GALNT13: variants seen among roughly 807,000 people sequenced by gnomAD.
GALNT13 encodes polypeptide N-acetylgalactosaminyltransferase 13.
Under a neutral mutation model 64.2 loss-of-function variants are expected in GALNT13, and 28 were observed. The ratio of observed to expected loss-of-function variants is 0.44; its 90% CI spans 0.32 to 0.60. The LOEUF (loss-of-function observed/expected upper bound fraction) is 0.60, where lower values mean the gene tolerates loss of function less well. Among genes scored for constraint, GALNT13 ranks in the 20% least tolerant of loss-of-function variants. The probability of loss-of-function intolerance (pLI) is 0.05; values close to 1 mark genes in which losing one functional copy is unlikely to be tolerated. For synonymous variants in GALNT13, 214 were observed against 224.6 expected (o/e 0.95, Z 0.42); for missense variants, 577 against 669.8 (o/e 0.86, Z 1.53).
At chr2:153,714,470 T>A in the GALNT13 span, among the ~76,000 whole-genome samples, 1 of 152,224 alleles carries the variant, frequency 6.6e-6, no homozygotes, top group African/African-American at 2.4e-5. Flanking sequence ...AAGAAAACCA[T>A]CTTCCAATAT....
At chr2:153,451,425 G>T in the GALNT13 span, among the ~76,000 whole-genome samples, 1 of 152,106 alleles carries the variant, frequency 6.6e-6, no homozygotes, top group Non-Finnish European at 1.5e-5. Flanking sequence ...AATTCGCAAA[G>T]TATGAGTGCC....
chr2:153,954,133 T>C (rs934313698), intron 3 of GALNT13, among the ~76,000 whole-genome samples: 1 of 152,194 alleles, frequency 6.6e-6, no homozygotes, highest in Non-Finnish European at 1.5e-5. Flanking sequence ...AGAATTCCTA[T>C]GTTTACATAA....
At chr2:153,886,029 G>T (rs1410311855) in intron 1 of GALNT13, among the ~76,000 whole-genome samples, 1 of 151,952 alleles carries the variant, frequency 6.6e-6, no homozygotes, top group African/African-American at 2.4e-5. Flanking sequence ...GAAAGAGAGA[G>T]AAATGAGGAA....
At chr2:153,640,880 T>G in the GALNT13 span, among the ~76,000 whole-genome samples, 1 of 152,250 alleles carries the variant, frequency 6.6e-6, no homozygotes, top group South Asian at 2.1e-4. Context: ...GCAACTTTCT[T>G]ACTAATTCTG....
chr2:154,025,946 C>CAG (rs547646710), intron 3 of GALNT13, among the ~76,000 whole-genome samples: 119 of 152,034 alleles, frequency 7.8e-4, no homozygotes, highest in African/African-American at 2.7e-3. Flanking sequence ...AGGCAGGACT[C>CAG]AGATCATGGG....
the GALNT13 span, among the ~76,000 whole-genome samples, chr2:153,634,250 A>C: frequency 6.6e-6 from 1 of 152,182 alleles, no homozygotes; most frequent in Non-Finnish European, 1.5e-5. Context: ...TAAGTAATTA[A>C]CCAAATTAGA....
At chr2:153,200,489 G>GA in the GALNT13 span, among the ~76,000 whole-genome samples, 1 of 152,196 alleles carries the variant, frequency 6.6e-6, no homozygotes, top group African/African-American at 2.4e-5. Context: ...GCATGGGGCA[G>GA]AAATGGCACA....
the GALNT13 span, among the ~76,000 whole-genome samples, chr2:153,825,001 T>C: frequency 6.6e-6 from 1 of 152,216 alleles, no homozygotes; most frequent in Non-Finnish European, 1.5e-5. Flanking sequence ...CCCAGTTCTT[T>C]TCTTTATAAA....
At chr2:153,971,213 G>A (rs1574236632) in intron 3 of GALNT13, among the ~76,000 whole-genome samples, 2 of 152,080 alleles carry the variant, frequency 1.3e-5, no homozygotes, top group South Asian at 4.1e-4. Context: ...AAATGTCAGT[G>A]ACTCAGTATA....
intron 3 of GALNT13, among the ~76,000 whole-genome samples, chr2:154,033,370 G>A (rs986043466): frequency 1.3e-5 from 2 of 152,006 alleles, no homozygotes; most frequent in African/African-American, 2.4e-5. Flanking sequence ...TTAAGACAAT[G>A]GGAAGCAAAC....
the GALNT13 span, among the ~76,000 whole-genome samples, chr2:153,159,895 T>C: frequency 1.3e-5 from 2 of 152,212 alleles, no homozygotes; most frequent in African/African-American, 4.8e-5. Context: ...GAGAACTAAA[T>C]CTATTGGCCA....
the GALNT13 span, among the ~76,000 whole-genome samples, chr2:153,742,597 G>A: frequency 1.3e-5 from 2 of 151,942 alleles, no homozygotes; most frequent in African/African-American, 4.8e-5. Flanking sequence ...CCCTTTTTCA[G>A]TTCCCCAGTG....
the GALNT13 span, among the ~76,000 whole-genome samples, chr2:153,676,900 C>T: frequency 1.6e-4 from 24 of 151,798 alleles, no homozygotes; most frequent in South Asian, 2.1e-4. Flanking sequence ...AAACCATCTA[C>T]GAAAAAAACA....
chr2:153,925,573 C>CT (rs1011073367), intron 2 of GALNT13, among the ~76,000 whole-genome samples: 4 of 105,916 alleles, frequency 3.8e-5, no homozygotes, highest in Admixed American at 1.0e-4. Flanking sequence ...TTTTAAAATT[C>CT]TTTTTTCTGA....
chr2:153,192,183 T>A, the GALNT13 span, among the ~76,000 whole-genome samples: 1 of 152,028 alleles, frequency 6.6e-6, no homozygotes, highest in Non-Finnish European at 1.5e-5. Flanking sequence ...TTTGTTGTTA[T>A]AAACTTCTAT....
At chr2:154,214,888 G>A (rs929745336) in intron 4 of GALNT13, among the ~76,000 whole-genome samples, 2 of 152,156 alleles carry the variant, frequency 1.3e-5, no homozygotes, top group African/African-American at 4.8e-5. Flanking sequence ...ACCCTTAAGA[G>A]CAGTCTGTTT....
chr2:154,029,798 A>T (rs528276076), intron 3 of GALNT13, among the ~76,000 whole-genome samples: 1 of 152,318 alleles, frequency 6.6e-6, no homozygotes, highest in East Asian at 1.9e-4. Context: ...TAAAGACTCA[A>T]ATGGAAAAAG....
intron 3 of GALNT13, among the ~76,000 whole-genome samples, chr2:154,119,423 TTTGAC>T (rs2105512341): frequency 6.6e-6 from 1 of 152,272 alleles, no homozygotes; most frequent in African/African-American, 2.4e-5. Flanking sequence ...CTGGGTTGAA[TTTGAC>T]TGAGCTCTGT....
rs1261950373 is a variant in GALNT13 at position 154,450,456 on chromosome 2, C to T, written c.1576C>T (p.Pro526Ser). Reference sequence around the variant, plus strand: ...TAACAGTAACCAATGTCTCGATGAACCTTCTGAAGAAGACAAAATGGTGCC... The same window carrying T: ...TAACAGTAACCAATGTCTCGATGAATCTTCTGAAGAAGACAAAATGGTGCC... Reference protein sequence around the residue: ...HVNSNQCLDEPSEEDKMVPTM... With the variant: ...HVNSNQCLDESSEEDKMVPTM... The change falls in exon 13 of 13, where the codon CCT (proline) becomes TCT (serine). Residue 526 changes from proline (P) to serine (S), a missense_variant. Coordinates refer to ENST00000392825, the MANE Select transcript of GALNT13 (RefSeq NM_052917.4). The T allele has an allele frequency of 6.2e-7, 1 of 1,612,594 alleles. No homozygotes were observed. Among genetic ancestry groups the T allele is most frequent in the Non-Finnish European group, 8.5e-7 (1 of 1,179,064 alleles).
Sources: allele counts gnomAD v4.1 joint callset (sites outside exome capture counted in the v4.1 genomes callset), GRCh38; gene constraint gnomAD v4.1.1; transcripts MANE v1.5; gene names NCBI Gene and HGNC (gene_info 2026-07-23, HGNC 2026-07-21).